MOB3B: variants seen among roughly 807,000 people sequenced by gnomAD.
MOB3B encodes the protein MOB kinase activator 3B, also known as MOB kinase activator-like 2B.
Under a neutral mutation model 18.7 loss-of-function variants are expected in MOB3B, and 7 were observed. The observed-to-expected ratio is 0.37, with a 90% CI of 0.21 to 0.70. The LOEUF (loss-of-function observed/expected upper bound fraction) is 0.70. MOB3B is among the 30% of genes least tolerant of loss of function. The pLI is 0.52. For synonymous variants in MOB3B, 111 were observed against 99.9 expected, an observed-to-expected ratio of 1.11 and a Z score of -0.66; for missense variants, 253 against 281.3, an observed-to-expected ratio of 0.90 and a Z score of 0.72.
intron 2 of MOB3B, among the ~76,000 whole-genome samples, chr9:27,439,071 T>C (rs926418835): frequency 3.3e-5 from 5 of 152,180 alleles, no homozygotes; most frequent in African/African-American, 9.7e-5. Context: ...GCAATAATAT[T>C]AGTGAATATT....
intron 2 of MOB3B, among the ~76,000 whole-genome samples, chr9:27,427,029 A>G (rs995379178): frequency 6.6e-6 from 1 of 152,232 alleles, no homozygotes; most frequent in African/African-American, 2.4e-5. Flanking sequence ...CAAGTTTGCC[A>G]TGAGCAAAGG....
intron 2 of MOB3B, among the ~76,000 whole-genome samples, chr9:27,419,683 A>T (rs1308265679): frequency 6.6e-6 from 1 of 152,238 alleles, no homozygotes; most frequent in Non-Finnish European, 1.5e-5. Context: ...TAAACCTAAG[A>T]CCTGAAACTA....
At chr9:27,486,967 C>T (rs929769484) in intron 1 of MOB3B, among the ~76,000 whole-genome samples, 2 of 151,880 alleles carry the variant, frequency 1.3e-5, no homozygotes, top group Non-Finnish European at 2.9e-5. Flanking sequence ...CTCACCTCTA[C>T]TAAAAATACA....
intron 2 of MOB3B, among the ~76,000 whole-genome samples, chr9:27,367,606 C>T (rs1821357751): frequency 6.6e-6 from 1 of 152,122 alleles, no homozygotes; most frequent in Non-Finnish European, 1.5e-5. Flanking sequence ...CATGAGACCA[C>T]AAGGACTAAA....
intron 2 of MOB3B, among the ~76,000 whole-genome samples, chr9:27,381,271 C>T (rs1409374703): frequency 4.6e-5 from 7 of 151,826 alleles, no homozygotes; most frequent in Non-Finnish European, 1.0e-4. Flanking sequence ...CTGGACCTAA[C>T]ATTCTATGGC....
At chr9:27,432,292 C>T (rs1041292837) in intron 2 of MOB3B, among the ~76,000 whole-genome samples, 1 of 151,366 alleles carries the variant, frequency 6.6e-6, no homozygotes, top group Non-Finnish European at 1.5e-5. Flanking sequence ...GAATTTCTTT[C>T]CCTGTGTTGT....
At chr9:27,430,284 G>T (rs548998245) in intron 2 of MOB3B, among the ~76,000 whole-genome samples, 75 of 152,288 alleles carry the variant, frequency 4.9e-4, no homozygotes, top group African/African-American at 1.8e-3. Flanking sequence ...CTCTCCGGCA[G>T]CCTCTCATGG....
chr9:27,394,338 C>T (rs1192611284), intron 2 of MOB3B: 1 of 152,010 alleles, frequency 6.6e-6, no homozygotes, highest in Non-Finnish European at 1.5e-5. Flanking sequence ...TTAGCTACCA[C>T]CAAGAGCTAA....
intron 3 of MOB3B, among the ~76,000 whole-genome samples, chr9:27,355,376 C>T (rs926555512): frequency 6.6e-6 from 1 of 152,150 alleles, no homozygotes; most frequent in Non-Finnish European, 1.5e-5. Flanking sequence ...GGGAAACTGG[C>T]TGGACAAATG....
Position 27,455,667 on chromosome 9 carries a change from C to T in MOB3B, c.-117G>A, listed in dbSNP as rs968591749. 1.9e-6 allele frequency: 3 copies of T among 1,538,524 alleles called. No homozygotes were observed. The highest frequency in any genetic ancestry group is 2.6e-6 in the Non-Finnish European group (3 of 1,154,714). ...TGCCAGCACTCAGGCCCCAGTCTTA[C>T]AGCCTGTAGCTTTTAAGCTCTTCTA... On this transcript the variant is annotated 5_prime_UTR_variant, in exon 2 of 4. Transcript: ENST00000262244.
intron 2 of MOB3B, among the ~76,000 whole-genome samples, chr9:27,453,682 C>A (rs1822827284): frequency 6.6e-6 from 1 of 152,114 alleles, no homozygotes; most frequent in Admixed American, 6.5e-5. Context: ...TCAAAGCATA[C>A]AGGTGAAGAC....
chr9:27,524,150 T>TAAAA (rs3081119), intron 1 of MOB3B, among the ~76,000 whole-genome samples: 113 of 90,166 alleles, frequency 1.3e-3, no homozygotes, highest in African/African-American at 1.5e-3. Flanking sequence ...TCACCCGAAG[T>TAAAA]AAAAAAAAAA....
At chr9:27,482,541 G>A (rs1819676510) in intron 1 of MOB3B, among the ~76,000 whole-genome samples, 1 of 152,174 alleles carries the variant, frequency 6.6e-6, no homozygotes, top group African/African-American at 2.4e-5. Flanking sequence ...CTTCCCCATA[G>A]ACCTTACTAT....
chr9:27,482,920 TTTCC>T, intron 1 of MOB3B, among the ~76,000 whole-genome samples: 1 of 152,164 alleles, frequency 6.6e-6, no homozygotes, highest in African/African-American at 2.4e-5. Context: ...ACTGGACTCT[TTTCC>T]TAGAGTATCT....
chr9:27,419,105 C>T (rs987237686), intron 2 of MOB3B, among the ~76,000 whole-genome samples: 3 of 148,372 alleles, frequency 2.0e-5, no homozygotes, highest in South Asian at 2.1e-4. Flanking sequence ...ACCAAGGAGT[C>T]GAAAGACCTC....
intron 1 of MOB3B, among the ~76,000 whole-genome samples, chr9:27,501,593 C>T (rs1365354998): frequency 7.3e-6 from 1 of 137,734 alleles, no homozygotes; most frequent in Admixed American, 7.5e-5. Context: ...CACACCAGGG[C>T]CTGTCATGGG....
At chr9:27,480,654 T>C (rs1357460299) in intron 1 of MOB3B, among the ~76,000 whole-genome samples, 1 of 152,006 alleles carries the variant, frequency 6.6e-6, no homozygotes. Flanking sequence ...TTGGCCAGGA[T>C]GGTCTTGATC....
chr9:27,362,706 C>A (rs1447153689), intron 2 of MOB3B, among the ~76,000 whole-genome samples: 2 of 152,230 alleles, frequency 1.3e-5, no homozygotes, highest in Non-Finnish European at 2.9e-5. Context: ...GCCTAGGAAA[C>A]CCCACTGGGT....
intron 2 of MOB3B, among the ~76,000 whole-genome samples, chr9:27,438,889 C>T (rs1257721626): frequency 1.3e-5 from 2 of 152,092 alleles, no homozygotes; most frequent in Non-Finnish European, 2.9e-5. Context: ...AAAAGTCCAC[C>T]TCAGCAGCAA....
Sources: allele counts gnomAD v4.1 joint callset (sites outside exome capture counted in the v4.1 genomes callset), GRCh38; gene constraint gnomAD v4.1.1; transcripts MANE v1.5; gene names NCBI Gene and HGNC (gene_info 2026-07-23, HGNC 2026-07-21).